Variants in ACAP2 observed in about 807,000 individuals in gnomAD.
ACAP2 encodes the protein ArfGAP with coiled-coil, ankyrin repeat and PH domains 2, also known as arf-GAP with coiled-coil, ANK repeat and PH domain-containing protein 2.
A neutral mutation model predicts 115.8 loss-of-function variants in ACAP2; 39 were observed. That is an observed-to-expected ratio of 0.34 (90% confidence interval 0.26 to 0.44). The LOEUF (loss-of-function observed/expected upper bound fraction) is 0.44. Among genes scored for constraint, ACAP2 ranks in the 20% least tolerant of loss-of-function variants. The pLI, the probability that ACAP2 is intolerant of heterozygous loss-of-function variation, is 1.00. For synonymous variants in ACAP2, 289 were observed against 315.8 expected (o/e 0.92, Z 0.90); for missense variants, 662 against 927.6 (o/e 0.71, Z 3.72).
At chr3:195,318,122 C>G (rs1163085922) in intron 10 of ACAP2, among the ~76,000 whole-genome samples, 1 of 152,160 alleles carries the variant, frequency 6.6e-6, no homozygotes, top group African/African-American at 2.4e-5. Context: ...GAGGAAGATG[C>G]CTGCTTCCCC....
intron 2 of ACAP2, among the ~76,000 whole-genome samples, chr3:195,387,231 A>T (rs1734365148): frequency 1.3e-5 from 2 of 152,186 alleles, no homozygotes; most frequent in Admixed American, 6.5e-5. Context: ...AAGAGGGAAG[A>T]TTTTTACCTA....
Position 195,374,037 on chromosome 3 carries a change from T to C in ACAP2, c.285+6972A>G, listed in dbSNP as rs561556333. On this transcript the variant is annotated intron_variant, in intron 4 of 22. Transcript: ENST00000326793. ...AATTCAAAAAAAGAATTATTAAAAG[T>C]AGGCAGAAGGGGGAAAAGGTAGAGC... Among the ~76,000 whole-genome samples, 6 of 152,254 alleles carry C rather than the reference T, an allele frequency of 3.9e-5. No homozygotes were observed. In the South Asian group the frequency reaches 8.3e-4, roughly 21 times the overall value.
chr3:195,307,746 C>T (rs1577272170), intron 11 of ACAP2, among the ~76,000 whole-genome samples: 1 of 152,068 alleles, frequency 6.6e-6, no homozygotes, highest in Non-Finnish European at 1.5e-5. Context: ...TCTTAAAATA[C>T]CTAGGAGAAT....
chr3:195,299,064 A>AT (rs1217338175), intron 15 of ACAP2, among the ~76,000 whole-genome samples: 1 of 152,094 alleles, frequency 6.6e-6, no homozygotes, highest in Non-Finnish European at 1.5e-5. Context: ...TATACAGCAT[A>AT]TTTTTCATTT....
chr3:195,307,600 T>A (rs2108986693), intron 11 of ACAP2, among the ~76,000 whole-genome samples: 1 of 152,348 alleles, frequency 6.6e-6, no homozygotes, highest in South Asian at 2.1e-4. Context: ...TAAATGTTAA[T>A]GTTCTGTGGC....
rs927259776 is a variant in ACAP2 at position 195,311,056 on chromosome 3, T to C, written c.858-2219A>G. Among the ~76,000 whole-genome samples, 13 of 151,642 alleles carry C rather than the reference T, an allele frequency of 8.6e-5. No individual in the cohort carries two copies. In the East Asian group the frequency reaches 2.5e-3, roughly 29 times the overall value. On this transcript the variant is annotated intron_variant, in intron 10 of 22. Transcript: ENST00000326793. ...ATTTTTAATTATTTCTATAGAATAA[T>C]CCTAGTTGTTATTAACATTTCATTG... is the stretch of plus-strand genomic sequence containing the variant.
intron 11 of ACAP2, 97 bp from the exon 12 acceptor site, chr3:195,307,420 A>G: frequency 1.4e-6 from 1 of 710,062 alleles, no homozygotes; most frequent in African/African-American, 1.8e-5. Flanking sequence ...TAACTGGTCT[A>G]ATTTTCAAGA....
intron 8 of ACAP2, among the ~76,000 whole-genome samples, chr3:195,332,547 A>G (rs1730240564): frequency 6.6e-6 from 1 of 152,018 alleles, no homozygotes; most frequent in East Asian, 1.9e-4. Context: ...ATTCTTCATT[A>G]AGTAAATAAA....
intron 1 of ACAP2, among the ~76,000 whole-genome samples, chr3:195,428,238 CAT>C (rs376868705): frequency 2.0e-5 from 3 of 149,320 alleles, no homozygotes; most frequent in Non-Finnish European, 3.0e-5. Flanking sequence ...TATATGCAGT[CAT>C]ATATATAGGT....
intron 8 of ACAP2, among the ~76,000 whole-genome samples, chr3:195,327,945 A>T (rs1037837963): frequency 4.6e-5 from 7 of 151,312 alleles, no homozygotes; most frequent in South Asian, 2.1e-4. Context: ...CCACCAAAAA[A>T]AAATATATAT....
intron 9 of ACAP2, chr3:195,326,190 G>A (rs1192080547): frequency 7.2e-5 from 11 of 152,216 alleles, no homozygotes; most frequent in Admixed American, 3.9e-4. Context: ...CATCCTGTGC[G>A]TACTTATATT....
At chr3:195,286,062 C>T (rs3773418) in intron 21 of ACAP2, among the ~76,000 whole-genome samples, 119,028 of 152,114 alleles carry the variant, frequency 0.78, 46,868 homozygotes, top group East Asian at 0.94. Context: ...GAAAGGACAA[C>T]AAAAATCTTC....
At chr3:195,391,388 C>T (rs1274890924) in intron 2 of ACAP2, among the ~76,000 whole-genome samples, 1 of 152,000 alleles carries the variant, frequency 6.6e-6, no homozygotes, top group African/African-American at 2.4e-5. Context: ...CACCACCACA[C>T]TAATTTTGTA....
intron 1 of ACAP2, among the ~76,000 whole-genome samples, chr3:195,406,879 G>A (rs764071395): frequency 1.2e-4 from 18 of 152,162 alleles, no homozygotes; most frequent in Non-Finnish European, 2.4e-4. Context: ...TGTTGTGTCT[G>A]ACAGAATTCA....
intron 13 of ACAP2, among the ~76,000 whole-genome samples, chr3:195,303,140 C>G (rs1728179133): frequency 6.6e-6 from 1 of 152,160 alleles, no homozygotes; most frequent in Admixed American, 6.5e-5. Context: ...AGCTTAAACC[C>G]AGGAAACGGA....
chr3:195,358,341 T>C (rs1008107634), intron 4 of ACAP2, among the ~76,000 whole-genome samples: 2 of 152,100 alleles, frequency 1.3e-5, no homozygotes, highest in Non-Finnish European at 2.9e-5. Context: ...AAATATCCAC[T>C]AGCATCAAGA....
chr3:195,328,556 A>G (rs1729955256), intron 8 of ACAP2, among the ~76,000 whole-genome samples: 1 of 152,218 alleles, frequency 6.6e-6, no homozygotes, highest in Non-Finnish European at 1.5e-5. Flanking sequence ...AATACCGTAC[A>G]TGGTGCGCTA....
At chr3:195,325,954 G>A (rs1174889702) in intron 9 of ACAP2, among the ~76,000 whole-genome samples, 3 of 152,016 alleles carry the variant, frequency 2.0e-5, no homozygotes, top group African/African-American at 4.8e-5. Flanking sequence ...ACTTAAAGAT[G>A]GTCTTGTAGA....
chr3:195,396,945 A>T (rs908739667), intron 1 of ACAP2, among the ~76,000 whole-genome samples: 139 of 152,154 alleles, frequency 9.1e-4, no homozygotes, highest in Admixed American at 6.5e-4. Context: ...TAATTTAAAA[A>T]AAATTAGGTC....
Sources: gnomAD v4.1 joint callset for allele counts (sites outside exome capture counted in the v4.1 genomes callset) on GRCh38, gnomAD v4.1.1 for gene constraint, MANE v1.5 for transcripts, NCBI Gene and HGNC (gene_info 2026-07-23, HGNC 2026-07-21) for gene names.